Variants in TMEM132D observed in about 807,000 individuals in gnomAD.
TMEM132D encodes mature OL transmembrane protein.
A neutral mutation model predicts 62.3 loss-of-function variants in TMEM132D; 21 were observed. That is an observed-to-expected ratio of 0.34 (90% CI 0.24 to 0.49). TMEM132D has a LOEUF of 0.49. Ranked by LOEUF, TMEM132D falls within the 20% of genes least tolerant of loss-of-function variation. The pLI is 0.99. For missense variants in TMEM132D, 1,346 were observed against 1,402.8 expected (o/e 0.96, Z 0.65); for synonymous variants, 621 against 575.6 (o/e 1.08, Z -1.13).
intron 3 of TMEM132D, among the ~76,000 whole-genome samples, chr12:129,451,485 C>T (rs1317796844): frequency 6.6e-6 from 1 of 152,064 alleles, no homozygotes; most frequent in African/African-American, 2.4e-5. Context: ...GTAGCAATCA[C>T]AGGGAAATAA....
intron 2 of TMEM132D, among the ~76,000 whole-genome samples, chr12:129,537,932 T>C (rs59264944): frequency 0.27 from 16,104 of 59,228 alleles, 2,860 homozygotes; most frequent in African/African-American, 0.52. Flanking sequence ...TACACTAACG[T>C]TGAAAACTCA....
intron 3 of TMEM132D, among the ~76,000 whole-genome samples, chr12:129,374,178 A>C (rs891032938): frequency 6.6e-6 from 1 of 151,702 alleles, no homozygotes; most frequent in African/African-American, 2.4e-5. Flanking sequence ...TGGAAGATGG[A>C]AGGTCTGAGA....
chr12:129,192,140 G>C (rs1878423021), intron 5 of TMEM132D, among the ~76,000 whole-genome samples: 1 of 152,136 alleles, frequency 6.6e-6, no homozygotes, highest in Non-Finnish European at 1.5e-5. Context: ...ACCTCGAATG[G>C]TTCCTACTAC....
chr12:129,097,102 G>T (rs1875140549), intron 5 of TMEM132D, among the ~76,000 whole-genome samples: 1 of 152,204 alleles, frequency 6.6e-6, no homozygotes, highest in Non-Finnish European at 1.5e-5. Context: ...CTCTGCCCCT[G>T]CCCTGTCCAC....
chr12:129,671,281 C>T (rs532130171), intron 2 of TMEM132D, among the ~76,000 whole-genome samples: 1 of 152,176 alleles, frequency 6.6e-6, no homozygotes, highest in South Asian at 2.1e-4. Context: ...TTGGCATATC[C>T]TACTTGGTGA....
intron 2 of TMEM132D, among the ~76,000 whole-genome samples, chr12:129,660,388 C>CT (rs1880205337): frequency 6.6e-6 from 1 of 152,080 alleles, no homozygotes; most frequent in Non-Finnish European, 1.5e-5. Context: ...TTCCTTTCTC[C>CT]TGCCTCCTCT....
At chr12:129,178,591 A>C (rs1877974938) in intron 5 of TMEM132D, among the ~76,000 whole-genome samples, 1 of 152,190 alleles carries the variant, frequency 6.6e-6, no homozygotes, top group Non-Finnish European at 1.5e-5. Context: ...ATGTGATTTT[A>C]AGGAAAAACA....
At chr12:129,111,604 G>T (rs577423541) in intron 5 of TMEM132D, 1 of 152,094 alleles carries the variant, frequency 6.6e-6, no homozygotes, top group Non-Finnish European at 1.5e-5. Context: ...AGAAATAAGC[G>T]CTTCTTACCA....
At chr12:129,585,252 A>C (rs1877991403) in intron 2 of TMEM132D, among the ~76,000 whole-genome samples, 1 of 152,216 alleles carries the variant, frequency 6.6e-6, no homozygotes, top group African/African-American at 2.4e-5. Flanking sequence ...CAAGAGTGTT[A>C]CATACACACT....
chr12:129,899,205 A>G (rs780966854), intron 1 of TMEM132D, among the ~76,000 whole-genome samples: 6 of 134,326 alleles, frequency 4.5e-5, no homozygotes, highest in Non-Finnish European at 9.4e-5. Flanking sequence ...GAATGAATGG[A>G]TGGATGGGCA....
intron 1 of TMEM132D, among the ~76,000 whole-genome samples, chr12:129,763,440 T>TTTG (rs1870448989): frequency 6.6e-6 from 1 of 151,204 alleles, no homozygotes; most frequent in African/African-American, 2.4e-5. Context: ...GGCTTTTTTT[T>TTTG]TTTTTCTGAA....
intron 5 of TMEM132D, among the ~76,000 whole-genome samples, chr12:129,175,285 G>T (rs1312868378): frequency 6.6e-6 from 1 of 152,062 alleles, no homozygotes; most frequent in Non-Finnish European, 1.5e-5. Context: ...TCAGTTTTCT[G>T]TATATGGATG....
At chr12:129,377,085 G>T (rs971027543) in intron 3 of TMEM132D, among the ~76,000 whole-genome samples, 1 of 152,104 alleles carries the variant, frequency 6.6e-6, no homozygotes, top group South Asian at 2.1e-4. Context: ...ACATTGTATT[G>T]TGTCTCAGTT....
In TMEM132D at chr12:129,781,706, G is replaced by C. The variant is rs540108926; in HGVS notation, c.80-81008C>G. On this transcript the variant is annotated intron_variant, in intron 1 of 8. Transcript: ENST00000422113. The stretch of plus-strand genomic sequence containing the variant: ...ACACATTTTGTCTTTTTAAAGGAAA[G>C]GCCTAAGTAGTACATGAGTTGCTTC... Among the ~76,000 whole-genome samples the C allele has an allele frequency of 5.9e-5, 9 of 152,260 alleles. No homozygotes were observed. The East Asian group carries it at 1.2e-3, about 20-fold the overall frequency.
At chr12:129,380,131 T>C (rs956455249) in intron 3 of TMEM132D, among the ~76,000 whole-genome samples, 4 of 152,206 alleles carry the variant, frequency 2.6e-5, no homozygotes, top group African/African-American at 9.6e-5. Context: ...TTATTATTGA[T>C]GGCATTTTAG....
chr12:129,765,060 A>G (rs998828653), intron 1 of TMEM132D, among the ~76,000 whole-genome samples: 2 of 152,164 alleles, frequency 1.3e-5, no homozygotes, highest in African/African-American at 4.8e-5. Flanking sequence ...CTAGAATCAA[A>G]TCATTGCTCT....
At chr12:129,739,335 C>T (rs147702783) in intron 1 of TMEM132D, among the ~76,000 whole-genome samples, 1 of 152,146 alleles carries the variant, frequency 6.6e-6, no homozygotes, top group Non-Finnish European at 1.5e-5. Flanking sequence ...GCCTGATGAA[C>T]TGATGAGCCT....
chr12:129,089,533 T>C lies in TMEM132D; in HGVS notation c.1444-4831A>G, dbSNP rs571219146. ...TGACCGGGTGTCCTCCATGACCGGG[T>C]GTCCTCCATGACCGGGTGTCCTCCC... On this transcript the variant is annotated intron_variant, in intron 5 of 8. Transcript: ENST00000422113. 1.6e-5 allele frequency among the ~76,000 whole-genome samples: 2 copies of C among 126,588 alleles called. 1 individual carries two copies. The highest frequency in any genetic ancestry group is 5.0e-4 in the East Asian group (2 of 4,002). 83.0% of individuals were successfully genotyped at this position (126,588 alleles called of 152,430 possible).
intron 2 of TMEM132D, among the ~76,000 whole-genome samples, chr12:129,599,805 A>T (rs1878438471): frequency 6.6e-6 from 1 of 152,228 alleles, no homozygotes; most frequent in South Asian, 2.1e-4. Context: ...GTCTAAAAAA[A>T]CTATGTACAT....
Sources: gnomAD v4.1 joint callset for allele counts (sites outside exome capture counted in the v4.1 genomes callset) on GRCh38, gnomAD v4.1.1 for gene constraint, MANE v1.5 for transcripts, NCBI Gene and HGNC (gene_info 2026-07-23, HGNC 2026-07-21) for gene names.